NLGN1: variants seen among roughly 807,000 people sequenced by gnomAD.
NLGN1 encodes the protein neuroligin-1.
Under a neutral mutation model 65.5 loss-of-function variants are expected in NLGN1, and 12 were observed. The observed-to-expected ratio is 0.18, with a 90% confidence interval of 0.12 to 0.30. The LOEUF (loss-of-function observed/expected upper bound fraction) is 0.30, where lower values mean the gene tolerates loss of function less well. Ranked by LOEUF, NLGN1 falls within the 10% of genes least tolerant of loss-of-function variation. The pLI, the probability that NLGN1 is intolerant of heterozygous loss-of-function variation, is 1.00. For missense variants in NLGN1, 750 were observed against 1,007.1 expected (o/e 0.74, Z 3.46); for synonymous variants, 350 against 359.5 (o/e 0.97, Z 0.30).
intron 1 of NLGN1, among the ~76,000 whole-genome samples, chr3:173,401,199 C>T (rs574012895): frequency 6.6e-6 from 1 of 152,054 alleles, no homozygotes; most frequent in African/African-American, 2.4e-5. Context: ...TCCTTGGCCT[C>T]TATCCACCAG....
chr3:174,034,083 G>C (rs1309833199), intron 4 of NLGN1, among the ~76,000 whole-genome samples: 2 of 152,054 alleles, frequency 1.3e-5, no homozygotes, highest in African/African-American at 4.8e-5. Flanking sequence ...AACACTTTAT[G>C]TATAGAGGAA....
At chr3:173,436,907 T>C (rs1025194635) in intron 2 of NLGN1, among the ~76,000 whole-genome samples, 1 of 152,242 alleles carries the variant, frequency 6.6e-6, no homozygotes, top group African/African-American at 2.4e-5. Flanking sequence ...ACACTATTTT[T>C]CTCTTGCCCT....
rs573032661 is a variant in NLGN1 at position 173,566,329 on chromosome 3, C to T, written c.-320-37950C>T. Reference sequence around the variant, plus strand: ...GGCATTGTTCTTGACCTTCCTTAACCTCAACTTCAACAGCATTCAGACAAA... The same window carrying T: ...GGCATTGTTCTTGACCTTCCTTAACTTCAACTTCAACAGCATTCAGACAAA... On this transcript the variant is annotated intron_variant, in intron 2 of 6. Coordinates refer to ENST00000457714, the Ensembl canonical transcript of NLGN1. Among the ~76,000 whole-genome samples the T allele has an allele frequency of 3.3e-5, 5 of 152,210 alleles. No individual in the cohort carries two copies. The South Asian group carries it at 1.0e-3, about 32-fold the overall frequency.
intron 5 of NLGN1, among the ~76,000 whole-genome samples, chr3:174,276,072 C>A (rs1404872188): frequency 6.6e-6 from 1 of 151,874 alleles, no homozygotes; most frequent in Non-Finnish European, 1.5e-5. Flanking sequence ...ATCAAGGTCA[C>A]TGGTAGAGCT....
chr3:173,413,941 T>C (rs1046031464), intron 1 of NLGN1, among the ~76,000 whole-genome samples: 2 of 152,136 alleles, frequency 1.3e-5, no homozygotes, highest in Non-Finnish European at 2.9e-5. Context: ...TGATGTGAGC[T>C]TTGTATGTAC....
intron 2 of NLGN1, among the ~76,000 whole-genome samples, chr3:173,560,126 G>C (rs1238803571): frequency 6.6e-6 from 1 of 151,858 alleles, no homozygotes; most frequent in African/African-American, 2.4e-5. Context: ...TGTATTTTTA[G>C]TAGAGACGGG....
chr3:173,595,162 T>G (rs1749240363), intron 2 of NLGN1, among the ~76,000 whole-genome samples: 1 of 152,198 alleles, frequency 6.6e-6, no homozygotes, highest in Non-Finnish European at 1.5e-5. Context: ...GTTTTTCTTT[T>G]CTATGGCATT....
At chr3:173,518,479 A>G (rs1448821629) in intron 2 of NLGN1, among the ~76,000 whole-genome samples, 4 of 150,766 alleles carry the variant, frequency 2.7e-5, no homozygotes, top group Non-Finnish European at 5.9e-5. Context: ...ATATACTTAT[A>G]TATTATAAAG....
intron 2 of NLGN1, among the ~76,000 whole-genome samples, chr3:173,559,833 G>A (rs1742361727): frequency 6.6e-6 from 1 of 151,658 alleles, no homozygotes; most frequent in Admixed American, 6.6e-5. Context: ...TTTTAAAATT[G>A]CATATAAACG....
intron 4 of NLGN1, among the ~76,000 whole-genome samples, chr3:173,877,957 T>A (rs765640022): frequency 4.6e-5 from 7 of 152,200 alleles, no homozygotes; most frequent in Non-Finnish European, 7.3e-5. Flanking sequence ...TCTTAACTAC[T>A]GTTATATGGT....
chr3:173,839,049 A>T (rs1724230512), intron 4 of NLGN1, among the ~76,000 whole-genome samples: 1 of 149,046 alleles, frequency 6.7e-6, no homozygotes, highest in Admixed American at 6.7e-5. Flanking sequence ...ATAAATGTTG[A>T]CCCTCACAGT....
chr3:174,160,477 A>G (rs1354916985), intron 4 of NLGN1, among the ~76,000 whole-genome samples: 2 of 151,698 alleles, frequency 1.3e-5, no homozygotes, highest in Admixed American at 6.6e-5. Context: ...ACAATAAAGA[A>G]TATGTTTCTT....
chr3:174,290,960 C>T (rs769375270), downstream of NLGN1, among the ~76,000 whole-genome samples: 1 of 150,620 alleles, frequency 6.6e-6, no homozygotes, highest in African/African-American at 2.4e-5. Flanking sequence ...GAAATAGCAA[C>T]ATAAATCAGA....
At chr3:174,093,108 A>C (rs946778974) in intron 4 of NLGN1, among the ~76,000 whole-genome samples, 3 of 152,240 alleles carry the variant, frequency 2.0e-5, no homozygotes, top group Admixed American at 6.5e-5. Flanking sequence ...TGAAGCTTTA[A>C]CTTTGCCTGG....
At chr3:173,606,864 C>CT (rs1361749419) in intron 3 of NLGN1, among the ~76,000 whole-genome samples, 2 of 151,782 alleles carry the variant, frequency 1.3e-5, no homozygotes, top group Non-Finnish European at 2.9e-5. Context: ...AAAAAAGTCT[C>CT]TTTTTTTCTG....
chr3:173,809,423 A>T (rs183219562), intron 4 of NLGN1, among the ~76,000 whole-genome samples: 80 of 149,624 alleles, frequency 5.3e-4, no homozygotes, highest in African/African-American at 1.8e-3. Flanking sequence ...GTTTTTGCTG[A>T]TTATTATTCT....
At chr3:173,459,879 A>AT (rs1723085717) in intron 2 of NLGN1, among the ~76,000 whole-genome samples, 1 of 151,998 alleles carries the variant, frequency 6.6e-6, no homozygotes, top group African/African-American at 2.4e-5. Context: ...CAGGAGCCTT[A>AT]TTTATAAAGC....
At chr3:174,081,665 G>A (rs557516756) in intron 4 of NLGN1, among the ~76,000 whole-genome samples, 19 of 149,988 alleles carry the variant, frequency 1.3e-4, no homozygotes, top group Admixed American at 6.0e-4. Flanking sequence ...TTGGCTCACC[G>A]GGTTCAAGCG....
intron 4 of NLGN1, among the ~76,000 whole-genome samples, chr3:174,115,573 G>A (rs1716216272): frequency 6.6e-6 from 1 of 152,082 alleles, no homozygotes; most frequent in Admixed American, 6.6e-5. Flanking sequence ...AGAGAATGTT[G>A]GGGTCATGGA....
Sources: allele counts gnomAD v4.1 joint callset (sites outside exome capture counted in the v4.1 genomes callset), GRCh38; gene constraint gnomAD v4.1.1; transcripts MANE v1.5; gene names NCBI Gene and HGNC (gene_info 2026-07-23, HGNC 2026-07-21).